The following IRAK3 variants were observed in gnomAD, a reference collection of about 807,000 sequenced individuals.
IRAK3 encodes the protein interleukin 1 receptor associated kinase 3.
In IRAK3, 57 loss-of-function variants were observed where a neutral mutation model predicts 56.6. That is an observed-to-expected ratio of 1.01 (90% CI 0.81 to 1.26). The LOEUF (loss-of-function observed/expected upper bound fraction) is 1.26, where lower values mean the gene tolerates loss of function less well. IRAK3 is among the 50% of genes most tolerant of loss of function. IRAK3 has a pLI of 0.00. For synonymous variants in IRAK3, 258 were observed against 255.7 expected (o/e 1.01, Z -0.09); for missense variants, 703 against 719.0 (o/e 0.98, Z 0.25).
rs1392019796 is a variant in IRAK3 at position 66,220,559 on chromosome 12, C to T, written c.653+3324C>T. ...TTTTTGAGACGGAGTCTCGCTCTGTCGCCCAGGCTGGAGTGCAGTGGCGGG... is the reference window on the plus strand; with the variant it reads ...TTTTTGAGACGGAGTCTCGCTCTGTTGCCCAGGCTGGAGTGCAGTGGCGGG... On this transcript the variant is annotated intron_variant, in intron 6 of 11. Coordinates refer to ENST00000261233, the MANE Select transcript of IRAK3 (RefSeq NM_007199.3). Among the ~76,000 whole-genome samples, 15 of 110,312 alleles carry T rather than the reference C, an allele frequency of 1.4e-4. No individual in the cohort carries two copies. The Admixed American group carries it at 1.8e-3, about 14-fold the overall frequency. The allele number at this position is 110,312 out of a possible 152,430, so 72.4% of individuals were successfully genotyped here. A position where few individuals can be genotyped will look rare whatever the true frequency, so the allele number is the denominator to read the frequency against.
chr12:66,238,850 G>C (rs748088901), intron 8 of IRAK3, among the ~76,000 whole-genome samples: 1 of 152,136 alleles, frequency 6.6e-6, no homozygotes, highest in Non-Finnish European at 1.5e-5. Context: ...AACAAAACCT[G>C]CTTCCAGGTG....
intron 5 of IRAK3, among the ~76,000 whole-genome samples, chr12:66,215,788 A>ACGTGCACGCGCGCGCG (rs375264640): frequency 1.5e-5 from 2 of 131,688 alleles, no homozygotes; most frequent in African/African-American, 5.6e-5. Flanking sequence ...CCCAACATGC[A>ACGTGCACGCGCGCGCG]CACACACACA....
intron 1 of IRAK3, among the ~76,000 whole-genome samples, chr12:66,191,592 T>A (rs2052400092): frequency 6.6e-6 from 1 of 152,256 alleles, no homozygotes; most frequent in African/African-American, 2.4e-5. Context: ...CCTGGACTAC[T>A]GAGCTGGCCC....
Position 66,247,687 on chromosome 12 carries a change from G to T in IRAK3, c.1315-8G>T. On this transcript the variant is annotated splice_region_variant and splice_polypyrimidine_tract_variant and intron_variant, in intron 11 of 11. Transcript: ENST00000261233. The stretch of plus-strand genomic sequence containing the variant: ...TAATTTAATGTCTGTTTGCTTCTTT[G>T]TTATTAGGTTTTAAATACTCTTGAA... The T allele has an allele frequency of 6.4e-7, 1 of 1,554,464 alleles. No homozygotes were observed.
intron 8 of IRAK3, among the ~76,000 whole-genome samples, chr12:66,241,388 A>T (rs868675740): frequency 1.3e-5 from 2 of 152,156 alleles, no homozygotes; most frequent in Non-Finnish European, 2.9e-5. Context: ...GCCCTTTTGC[A>T]TGATATTGCC....
At chr12:66,208,232 G>T (rs937567557) in intron 2 of IRAK3, among the ~76,000 whole-genome samples, 2 of 151,956 alleles carry the variant, frequency 1.3e-5, no homozygotes, top group Admixed American at 6.6e-5. Context: ...TTACTCTTTT[G>T]TAGGAAGCTA....
chr12:66,218,458 A>G (rs1345118819), intron 6 of IRAK3, among the ~76,000 whole-genome samples: 2 of 152,316 alleles, frequency 1.3e-5, no homozygotes, highest in East Asian at 3.9e-4. Flanking sequence ...TCAAATGGTT[A>G]TGTGCATTTT....
intron 1 of IRAK3, among the ~76,000 whole-genome samples, chr12:66,199,154 G>T (rs2052483796): frequency 6.6e-6 from 1 of 152,194 alleles, no homozygotes; most frequent in Admixed American, 6.5e-5. Context: ...CATTTTGAGA[G>T]TGGGAAGTGT....
Position 66,247,775 on chromosome 12 carries a change from TC to T in IRAK3, c.1397del (p.Pro466LeufsTer31). On this transcript the variant is annotated frameshift_variant, in exon 12 of 12. Coordinates refer to ENST00000261233, the MANE Select transcript of IRAK3 (RefSeq NM_007199.3). LOFTEE classifies it low-confidence loss of function (END_TRUNC). ...PPTSLKSFRC[P>X]SPLFLENVPS... ...CCACATCACTAAAGTCCTTCAGGTG[TC>T]CTTCTCCTCTATTCCTGGAGAATGT... is the stretch of plus-strand genomic sequence containing the variant. The T allele has an allele frequency of 1.2e-6, 2 of 1,614,186 alleles. No individual in the cohort carries two copies. The highest frequency in any genetic ancestry group is 1.7e-6 in the Non-Finnish European group (2 of 1,179,992).
chr12:66,250,564 C>T lies in IRAK3; in HGVS notation c.*2393C>T, dbSNP rs951031575. On this transcript the variant is annotated 3_prime_UTR_variant, in exon 12 of 12. Coordinates refer to ENST00000261233, the MANE Select transcript of IRAK3 (RefSeq NM_007199.3). ...CTGCTCTGTACGGTATCTGGCTGCT[C>T]AGAGCTCTCTGATTCACAAAAGAGA... is the stretch of plus-strand genomic sequence containing the variant. 5 of 152,220 alleles carry T rather than the reference C, an allele frequency of 3.3e-5. No individual in the cohort carries two copies. The highest frequency in any genetic ancestry group is 7.3e-5 in the Non-Finnish European group (5 of 68,052). The allele number at this position is 152,220 out of a possible 1,614,324, so 9.4% of individuals were successfully genotyped here.
Position 66,244,569 on chromosome 12 carries a change from A to G in IRAK3, c.971A>G (p.Gln324Arg), listed in dbSNP as rs2053007205. ...CACTTCCGGTCCCACCTAGAACATC[A>G]GAGTTGTACCATAAATATGACCAGC... The part of the protein sequence containing the change: ...MAHFRSHLEH[Q>R]SCTINMTSSS... The change falls in exon 9 of 12, where the codon CAG (glutamine) becomes CGG (arginine). Residue 324 changes from glutamine to arginine, a missense_variant. Coordinates refer to ENST00000261233, the MANE Select transcript of IRAK3 (RefSeq NM_007199.3). 1.2e-6 allele frequency: 2 copies of G among 1,613,938 alleles called. No homozygotes were observed. The highest frequency in any genetic ancestry group is 2.7e-5 in the African/African-American group (2 of 74,928).
At chr12:66,198,062 GT>G (rs2052471879) in intron 1 of IRAK3, 1 of 984,990 alleles carries the variant, frequency 1.0e-6, no homozygotes, top group Non-Finnish European at 1.2e-6. Flanking sequence ...GCTAGAACAT[GT>G]TTATACCTTT....
intron 11 of IRAK3, among the ~76,000 whole-genome samples, chr12:66,246,779 T>A (rs983615250): frequency 2.0e-5 from 3 of 152,212 alleles, no homozygotes; most frequent in Admixed American, 6.5e-5. Flanking sequence ...TGTATTTTTT[T>A]AATTACGTGT....
Position 66,254,235 on chromosome 12 carries a change from G to A in IRAK3, c.*6064G>A, listed in dbSNP as rs2053131427. The A allele has an allele frequency of 6.6e-6, 1 of 152,076 alleles. No individual in the cohort carries two copies. Among genetic ancestry groups the A allele is most frequent in the South Asian group, 2.1e-4 (1 of 4,836 alleles). 9.4% of individuals were successfully genotyped at this position (152,076 alleles called of 1,614,324 possible). On this transcript the variant is annotated 3_prime_UTR_variant, in exon 12 of 12. Coordinates refer to ENST00000261233, the MANE Select transcript of IRAK3 (RefSeq NM_007199.3). ...CAAGTCTTCAAACATGAGCCCAAAG[G>A]TATATTTCATGATGTTTATGATATT...
intron 6 of IRAK3, among the ~76,000 whole-genome samples, chr12:66,226,439 A>G (rs1334915206): frequency 6.6e-6 from 1 of 152,048 alleles, no homozygotes; most frequent in African/African-American, 2.4e-5. Context: ...ACGGGGTTTC[A>G]CCATGTTGGC....
rs531939631 is a variant in IRAK3 at position 66,224,329 on chromosome 12, G to A, written c.654-2394G>A. On this transcript the variant is annotated intron_variant, in intron 6 of 11. Coordinates refer to ENST00000261233, the MANE Select transcript of IRAK3 (RefSeq NM_007199.3). ...AGGCAGATGCAGCTTTCTCCTCTTA[G>A]AATGTACTATCAGAAATGGGATTGG... 7.2e-5 allele frequency among the ~76,000 whole-genome samples: 11 copies of A among 152,206 alleles called. No homozygotes were observed. In the South Asian group the frequency reaches 2.3e-3, roughly 32 times the overall value.
chr12:66,218,577 C>A (rs755318254), intron 6 of IRAK3, among the ~76,000 whole-genome samples: 4 of 152,094 alleles, frequency 2.6e-5, no homozygotes, highest in Non-Finnish European at 4.4e-5. Context: ...ATTCTTACCT[C>A]TTAATTTTCG....
chr12:66,235,518 C>T (rs915638220), intron 8 of IRAK3, among the ~76,000 whole-genome samples: 3 of 151,820 alleles, frequency 2.0e-5, no homozygotes, highest in Non-Finnish European at 2.9e-5. Context: ...TCGAGCAGCT[C>T]GGGCAGCCGC....
chr12:66,247,922 T>A lies in IRAK3; in HGVS notation c.1542T>A (p.Val514=). ...KTPFECSQSE[V]MFLSLDKKPE... is the part of the protein sequence containing the mutation. ...CTTTTGAATGCAGCCAGTCTGAGGT[T>A]ATGTTTCTGAGCTTGGACAAAAAGC... Residue 514 remains valine, a synonymous_variant, in exon 12 of 12, where the codon GTT becomes GTA. Transcript: ENST00000261233. 1.2e-6 allele frequency: 2 copies of A among 1,614,216 alleles called. No homozygotes were observed. The highest frequency in any genetic ancestry group is 2.2e-5 in the East Asian group (1 of 44,890).
Sources: allele counts gnomAD v4.1 joint callset (sites outside exome capture counted in the v4.1 genomes callset), GRCh38; gene constraint gnomAD v4.1.1; transcripts MANE v1.5; gene names NCBI Gene and HGNC (gene_info 2026-07-23, HGNC 2026-07-21).